Variants in PPAT observed in about 807,000 individuals in gnomAD.
The protein encoded by PPAT is amidophosphoribosyltransferase.
PPAT carries 20 observed loss-of-function variants against 60.2 expected under a neutral mutation model. That is an observed-to-expected ratio of 0.33 (90% CI 0.23 to 0.48). The LOEUF (loss-of-function observed/expected upper bound fraction) is 0.48, where lower values mean the gene tolerates loss of function less well. PPAT is among the 20% of genes least tolerant of loss of function. The pLI is 0.99. For synonymous variants in PPAT, 194 were observed against 215.1 expected (o/e 0.90, Z 0.86); for missense variants, 349 against 629.6 (o/e 0.55, Z 4.77).
In PPAT at chr4:56,396,958, A is replaced by G. The variant is rs111521601; in HGVS notation, c.1237-219T>C. On this transcript the variant is annotated intron_variant, in intron 9 of 10. Coordinates refer to ENST00000264220, the MANE Select transcript of PPAT (RefSeq NM_002703.5). The surrounding 1 kb of genome is among the most constrained non-coding windows in gnomAD (Gnocchi z 4.6). ...CCTACTTCTCATTTGATGTCTTTAC[A>G]TTCCTAGAGCCACTTTTCTCTTGTA... is the stretch of plus-strand genomic sequence containing the variant. 81 of 340,716 alleles carry G rather than the reference A, an allele frequency of 2.4e-4. No individual in the cohort carries two copies. Among genetic ancestry groups the G allele is most frequent in the African/African-American group, 1.7e-3 (78 of 46,678 alleles). The allele number at this position is 340,716 out of a possible 1,614,324, so 21.1% of individuals were successfully genotyped here. A position where few individuals can be genotyped will look rare whatever the true frequency, so the allele number is the denominator to read the frequency against.
chr4:56,406,821 G>T, intron 2 of PPAT, 120 bp from the exon 3 acceptor site: 1 of 709,862 alleles, frequency 1.4e-6, no homozygotes, highest in Non-Finnish European at 2.3e-6. Flanking sequence ...ATATCTCTGT[G>T]TTTCAGAATT....
At chr4:56,431,438 C>CT (rs1447273271) in intron 1 of PPAT, 1 of 982,098 alleles carries the variant, frequency 1.0e-6, no homozygotes, top group Non-Finnish European at 1.2e-6. Context: ...GTCTAAATCT[C>CT]TTAAGAAAAG....
At chr4:56,434,331 G>A (rs1717778312) in intron 1 of PPAT, among the ~76,000 whole-genome samples, 1 of 152,184 alleles carries the variant, frequency 6.6e-6, no homozygotes, top group African/African-American at 2.4e-5. Flanking sequence ...TATACGTGTT[G>A]CACCCATTTT....
chr4:56,410,929 GAAAA>G (rs1716432721), intron 1 of PPAT: 2 of 391,662 alleles, frequency 5.1e-6, no homozygotes, highest in Non-Finnish European at 6.0e-6. Context: ...AAAAAAAAAA[GAAAA>G]GTACTCTTGT....
At position 56,406,481 on chromosome 4, in the gene PPAT, A is replaced by C. The variant is rs776575036; in HGVS notation, c.402+14T>G. 8.1e-6 allele frequency: 13 copies of C among 1,606,018 alleles called. No homozygotes were observed. Among genetic ancestry groups the C allele is most frequent in the Non-Finnish European group, 1.0e-5 (12 of 1,174,578 alleles). ...ATTTAAAAAGGCCTAGGGAAAACAAACAAACAAACGTACCTTTTTCCTTAA... is the reference window on the plus strand; with the variant it reads ...ATTTAAAAAGGCCTAGGGAAAACAACCAAACAAACGTACCTTTTTCCTTAA... On this transcript the variant is annotated intron_variant, in intron 3 of 10. Coordinates refer to ENST00000264220, the MANE Select transcript of PPAT (RefSeq NM_002703.5).
Position 56,396,863 on chromosome 4 carries a change from T to G in PPAT, c.1237-124A>C. 1.0e-6 allele frequency: 1 copy of G among 974,774 alleles called. No individual in the cohort carries two copies. Among genetic ancestry groups the G allele is most frequent in the Non-Finnish European group, 1.4e-6 (1 of 698,058 alleles). The allele number at this position is 974,774 out of a possible 1,614,324, so 60.4% of individuals were successfully genotyped here. A position where few individuals can be genotyped will look rare whatever the true frequency, so the allele number is the denominator to read the frequency against. On this transcript the variant is annotated intron_variant, in intron 9 of 10. Coordinates refer to ENST00000264220, the MANE Select transcript of PPAT (RefSeq NM_002703.5). The surrounding 1 kb of genome is among the most constrained non-coding windows in gnomAD (Gnocchi z 4.6). The stretch of plus-strand genomic sequence containing the variant: ...CAACATATGGGTAATAAATTATTCT[T>G]TCTACAAAGCTGCTTCTTGGTTTTT...
At chr4:56,409,813 T>C (rs928146663) in intron 1 of PPAT, among the ~76,000 whole-genome samples, 4 of 152,240 alleles carry the variant, frequency 2.6e-5, no homozygotes, top group Admixed American at 2.0e-4. Flanking sequence ...TGTTAATACA[T>C]TGATTTATTT....
chr4:56,416,136 A>T (rs1373403685), intron 1 of PPAT, among the ~76,000 whole-genome samples: 1 of 152,180 alleles, frequency 6.6e-6, no homozygotes, highest in Non-Finnish European at 1.5e-5. Flanking sequence ...TTAAAAAATT[A>T]TCAAACAATT....
intron 1 of PPAT, among the ~76,000 whole-genome samples, chr4:56,411,451 T>C (rs553321379): frequency 5.9e-5 from 9 of 152,328 alleles, no homozygotes; most frequent in African/African-American, 2.2e-4. Context: ...AACAATGAAG[T>C]ATAATGAAGA....
intron 1 of PPAT, among the ~76,000 whole-genome samples, chr4:56,418,122 C>T (rs191012865): frequency 1.4e-4 from 21 of 152,120 alleles, no homozygotes; most frequent in Admixed American, 1.2e-3. Context: ...CAGGCGTGAG[C>T]CACCGCACCT....
At chr4:56,402,313 A>AT in intron 5 of PPAT, 132 bp from the exon 6 acceptor site, 1 of 522,854 alleles carries the variant, frequency 1.9e-6, no homozygotes, top group East Asian at 3.1e-5. Flanking sequence ...TTAAGAGCAC[A>AT]TGGATCCTCA....
At chr4:56,418,481 G>A (rs978456971) in intron 1 of PPAT, among the ~76,000 whole-genome samples, 1 of 151,936 alleles carries the variant, frequency 6.6e-6, no homozygotes, top group African/African-American at 2.4e-5. Flanking sequence ...CACCAAGCCT[G>A]GCTAATTTTT....
chr4:56,403,254 C>A, intron 4 of PPAT, 35 bp downstream of exon 4: 1 of 1,598,354 alleles, frequency 6.3e-7, no homozygotes, highest in Non-Finnish European at 8.6e-7. Context: ...ACTCTCCTTA[C>A]TAGAGCTCTA....
At chr4:56,413,242 T>C (rs1211094691) in intron 1 of PPAT, among the ~76,000 whole-genome samples, 2 of 152,146 alleles carry the variant, frequency 1.3e-5, no homozygotes, top group African/African-American at 4.8e-5. Flanking sequence ...TCACAACCTC[T>C]GCTTCCCAGG....
chr4:56,408,753 C>CA (rs35367469), intron 1 of PPAT, among the ~76,000 whole-genome samples: 2,204 of 132,866 alleles, frequency 0.017, 22 homozygotes, highest in Middle Eastern at 0.045. Flanking sequence ...GATTCCGTTT[C>CA]AAAAAAAAAA....
At chr4:56,424,319 G>C (rs1578133829) in intron 1 of PPAT, among the ~76,000 whole-genome samples, 1 of 151,402 alleles carries the variant, frequency 6.6e-6, no homozygotes, top group Admixed American at 6.6e-5. Context: ...TGATCTAGCA[G>C]GTTGGAGTCA....
At chr4:56,406,366 T>C (rs1716241031) in intron 3 of PPAT, 129 bp downstream of exon 3, 1 of 904,314 alleles carries the variant, frequency 1.1e-6, no homozygotes, top group Non-Finnish European at 1.7e-6. Context: ...TCTGATGCAA[T>C]TGTTTGTTGC....
chr4:56,418,549 G>A (rs1278997541), intron 1 of PPAT, among the ~76,000 whole-genome samples: 2 of 151,942 alleles, frequency 1.3e-5, no homozygotes, highest in African/African-American at 4.8e-5. Flanking sequence ...CAACTCCTGA[G>A]CTCAGGCAAT....
chr4:56,422,898 C>G (rs942563091), intron 1 of PPAT: 1 of 152,156 alleles, frequency 6.6e-6, no homozygotes, highest in Admixed American at 6.5e-5. Flanking sequence ...AATGCAAATT[C>G]TTGGGCCCCA....
Sources: gnomAD v4.1 joint callset for allele counts (sites outside exome capture counted in the v4.1 genomes callset) on GRCh38, gnomAD v4.1.1 for gene constraint, Gnocchi (gnomAD v3.1) non-coding constraint, MANE v1.5 for transcripts, NCBI Gene and HGNC (gene_info 2026-07-23, HGNC 2026-07-21) for gene names.